Variants in COL4A2 observed in about 807,000 individuals in gnomAD.
The protein encoded by COL4A2 is collagen type IV alpha 2 chain, also known as collagen alpha-2(IV) chain.
Under a neutral mutation model 200.2 loss-of-function variants are expected in COL4A2, and 99 were observed. That is an observed-to-expected ratio of 0.49 (90% CI 0.42 to 0.58). COL4A2 has a LOEUF of 0.58. Among genes scored for constraint, COL4A2 ranks in the 20% least tolerant of loss-of-function variants. The pLI, the probability that COL4A2 is intolerant of heterozygous loss-of-function variation, is 0.00. For synonymous variants in COL4A2, 897 were observed against 900.6 expected, an observed-to-expected ratio of 1.00 and a Z score of 0.07; for missense variants, 1,950 against 2,314.1, an observed-to-expected ratio of 0.84 and a Z score of 3.23.
intron 20 of COL4A2, among the ~76,000 whole-genome samples, chr13:110,455,671 GA>G (rs1881704480): frequency 6.6e-6 from 1 of 152,178 alleles, no homozygotes; most frequent in Non-Finnish European, 1.5e-5. Flanking sequence ...TTTGATGAGC[GA>G]ATGAATGAAT....
intron 4 of COL4A2, among the ~76,000 whole-genome samples, chr13:110,418,673 T>C (rs1847617943): frequency 6.6e-6 from 1 of 152,210 alleles, no homozygotes; most frequent in African/African-American, 2.4e-5. Context: ...TAACTGAAAT[T>C]CTTAATAAAG....
intron 4 of COL4A2, among the ~76,000 whole-genome samples, chr13:110,421,999 G>A (rs963728838): frequency 2.0e-4 from 30 of 152,182 alleles, no homozygotes; most frequent in Non-Finnish European, 3.7e-4. Flanking sequence ...TGAGTTGACT[G>A]TATGAAATAA....
chr13:110,442,280 G>A (rs1438842743), intron 16 of COL4A2, among the ~76,000 whole-genome samples: 6 of 152,172 alleles, frequency 3.9e-5, no homozygotes, highest in African/African-American at 1.2e-4. Context: ...GCAACAACTT[G>A]CGAAGATGCA....
chr13:110,486,131 G>T (rs1048554385), intron 34 of COL4A2, among the ~76,000 whole-genome samples: 1 of 152,018 alleles, frequency 6.6e-6, no homozygotes, highest in Non-Finnish European at 1.5e-5. Context: ...GAATTTTCAG[G>T]GATCAGAGCT....
chr13:110,459,177 A>C, intron 22 of COL4A2: 3 of 400,436 alleles, frequency 7.5e-6, no homozygotes, highest in Non-Finnish European at 4.4e-6. Context: ...AAAGAGTTCA[A>C]TAGGGGGTCA....
chr13:110,482,543 GT>G lies in COL4A2; in HGVS notation c.2789del (p.Phe930SerfsTer28). 2 of 1,614,158 alleles carry G rather than the reference GT, an allele frequency of 1.2e-6. No individual in the cohort carries two copies. The highest frequency in any genetic ancestry group is 1.7e-6 in the Non-Finnish European group (2 of 1,180,010). ...KGDRGSPGMDGFQGMPGLKGR... is the reference protein window; with the variant it reads ...KGDRGSPGMDXFQGMPGLKGR... ...GATAGAGGCTCACCTGGGATGGATGGTTTCCAAGGCATGCCTGGACTCAAAG... is the reference window on the plus strand; with the variant it reads ...GATAGAGGCTCACCTGGGATGGATGGTTCCAAGGCATGCCTGGACTCAAAG... On this transcript the variant is annotated frameshift_variant, in exon 32 of 48. Transcript: ENST00000360467. LOFTEE classifies it high-confidence loss of function.
chr13:110,382,696 TCAA>T (rs1450439025), intron 4 of COL4A2, among the ~76,000 whole-genome samples: 2 of 152,318 alleles, frequency 1.3e-5, no homozygotes, highest in Non-Finnish European at 1.5e-5. Context: ...ATAGGAGAGA[TCAA>T]CAACAACAAA....
At chr13:110,345,881 G>A (rs549071872) in intron 3 of COL4A2, among the ~76,000 whole-genome samples, 42 of 152,300 alleles carry the variant, frequency 2.8e-4, no homozygotes, top group Admixed American at 6.5e-4. Flanking sequence ...GTGTACCTGT[G>A]CACAGGGGGA....
At position 110,492,220 on chromosome 13, in the gene COL4A2, T is replaced by G. The variant is rs1883308368; in HGVS notation, c.3562+43T>G. On this transcript the variant is annotated intron_variant, in intron 38 of 47. Transcript: ENST00000360467. ...ACGTGGTCACCCAGACCCAGAGTCG[T>G]GGGCTGTGCAGGAGGCACCGCTGAG... The G allele has an allele frequency of 2.6e-6, 4 of 1,525,198 alleles. No individual in the cohort carries two copies. In the East Asian group the frequency reaches 9.8e-5, roughly 37 times the overall value. The allele number at this position is 1,525,198 out of a possible 1,614,324, so 94.5% of individuals were successfully genotyped here. A position where few individuals can be genotyped will look rare whatever the true frequency, so the allele number is the denominator to read the frequency against.
chr13:110,341,061 T>C (rs957333916), intron 3 of COL4A2: 1 of 151,694 alleles, frequency 6.6e-6, no homozygotes, highest in African/African-American at 2.4e-5. Context: ...TGGGGAGGGG[T>C]GTGCTGGGGG....
Position 110,504,007 on chromosome 13 carries a change from C to A in COL4A2, c.4285+14C>A. ...CCGGAGAACCAGGTAGAGTGCTGAGCTGGGGCCTGGAGCCCCTCGGGGCTG... is the reference window on the plus strand; with the variant it reads ...CCGGAGAACCAGGTAGAGTGCTGAGATGGGGCCTGGAGCCCCTCGGGGCTG... On this transcript the variant is annotated intron_variant, in intron 44 of 47. Coordinates refer to ENST00000360467, the MANE Select transcript of COL4A2 (RefSeq NM_001846.4). The A allele has an allele frequency of 6.4e-7, 1 of 1,554,184 alleles. No individual in the cohort carries two copies. Among genetic ancestry groups the A allele is most frequent in the East Asian group, 2.2e-5 (1 of 44,532 alleles).
In COL4A2 at chr13:110,481,068, T is replaced by A. The variant is rs35379119; in HGVS notation, c.2758+678T>A. ...TGTCCCTCCATTGCTGGAGACACAC[T>A]GTTCTGTCCCTCCGTTGCTGGAGAC... On this transcript the variant is annotated intron_variant, in intron 31 of 47. Coordinates refer to ENST00000360467, the MANE Select transcript of COL4A2 (RefSeq NM_001846.4). Among the ~76,000 whole-genome samples the A allele has an allele frequency of 8.5e-4, 70 of 82,562 alleles. 13 individuals carry two copies. The highest frequency in any genetic ancestry group is 3.9e-3 in the African/African-American group (69 of 17,834). 54.2% of individuals were successfully genotyped at this position (82,562 alleles called of 152,430 possible). A position where few individuals can be genotyped will look rare whatever the true frequency, so the allele number is the denominator to read the frequency against.
intron 4 of COL4A2, among the ~76,000 whole-genome samples, chr13:110,406,170 T>G (rs1372760713): frequency 6.6e-6 from 1 of 152,230 alleles, no homozygotes; most frequent in Non-Finnish European, 1.5e-5. Context: ...TTCCCAAATG[T>G]AAACCAGATA....
chr13:110,416,031 C>A (rs114267141), intron 4 of COL4A2, among the ~76,000 whole-genome samples: 3,030 of 152,328 alleles, frequency 0.02, 88 homozygotes, highest in African/African-American at 0.069. Flanking sequence ...TAAGTATAGA[C>A]AATTAGCTCT....
chr13:110,495,993 G>C (rs919339523), intron 40 of COL4A2, among the ~76,000 whole-genome samples: 19 of 152,268 alleles, frequency 1.2e-4, no homozygotes, highest in Non-Finnish European at 2.2e-4. Flanking sequence ...CAAGGGTGTT[G>C]CGGTCTCATT....
chr13:110,445,909 A>G, intron 17 of COL4A2, 27 bp downstream of exon 17: 1 of 1,613,792 alleles, frequency 6.2e-7, no homozygotes, highest in South Asian at 1.1e-5. Flanking sequence ...TGTCTTTGCC[A>G]CTTATGGTGT....
At chr13:110,376,570 C>T (rs1878245464) in intron 4 of COL4A2, among the ~76,000 whole-genome samples, 1 of 152,082 alleles carries the variant, frequency 6.6e-6, no homozygotes, top group South Asian at 2.1e-4. Context: ...TAAAAATCAT[C>T]GTTTTTACAT....
intron 40 of COL4A2, among the ~76,000 whole-genome samples, chr13:110,498,579 A>C (rs1475974101): frequency 1.3e-5 from 2 of 152,234 alleles, no homozygotes; most frequent in Non-Finnish European, 2.9e-5. Context: ...GACCACAAAA[A>C]AGATTTAAGA....
Position 110,458,710 on chromosome 13 carries a change from CT to C in COL4A2, c.1433-60del, listed in dbSNP as rs971288572. The stretch of plus-strand genomic sequence containing the variant: ...CAGCTCTCCCCGCTGCCTGATACCC[CT>C]CTCCCCGCCACGCTAAGAGGAATGC... On this transcript the variant is annotated intron_variant, in intron 21 of 47. Transcript: ENST00000360467. The C allele has an allele frequency of 2.5e-6, 4 of 1,604,912 alleles. No individual in the cohort carries two copies. In the African/African-American group the frequency reaches 5.4e-5, roughly 21 times the overall value.
Sources: gnomAD v4.1 joint callset for allele counts (sites outside exome capture counted in the v4.1 genomes callset) on GRCh38, gnomAD v4.1.1 for gene constraint, MANE v1.5 for transcripts, NCBI Gene and HGNC (gene_info 2026-07-23, HGNC 2026-07-21) for gene names.